Variants in SGCE observed in about 807,000 individuals in gnomAD.
SGCE encodes epsilon-sarcoglycan.
A neutral mutation model predicts 57.8 loss-of-function variants in SGCE; 26 were observed. That is an observed-to-expected ratio of 0.45 (90% CI 0.33 to 0.62). The LOEUF (loss-of-function observed/expected upper bound fraction) is 0.62. Among genes scored for constraint, SGCE ranks in the 20% least tolerant of loss-of-function variants. SGCE has a pLI of 0.02. For missense variants in SGCE, 468 were observed against 548.6 expected (o/e 0.85, Z 1.47); for synonymous variants, 183 against 189.5 (o/e 0.97, Z 0.28).
At chr7:94,633,409 A>G (rs1330564761) in intron 1 of SGCE, among the ~76,000 whole-genome samples, 1 of 152,272 alleles carries the variant, frequency 6.6e-6, no homozygotes, top group South Asian at 2.1e-4. Flanking sequence ...AGAGAGAGCC[A>G]AAGGGTTATG....
chr7:94,586,061 G>GAAAAAAAAAAAAAAAAAAAAAA (rs780812386), intron 10 of SGCE, among the ~76,000 whole-genome samples: 2 of 28,908 alleles, frequency 6.9e-5, no homozygotes, highest in Non-Finnish European at 5.9e-5. Flanking sequence ...GGAACTAAAT[G>GAAAAAAAAAAAAAAAAAAAAAA]AAAAAAAAAA....
intron 4 of SGCE, among the ~76,000 whole-genome samples, chr7:94,622,942 A>G (rs911434332): frequency 6.6e-6 from 1 of 152,120 alleles, no homozygotes; most frequent in Admixed American, 6.5e-5. Flanking sequence ...TAATAAAACT[A>G]GTTAGTAATT....
intron 1 of SGCE, among the ~76,000 whole-genome samples, chr7:94,654,845 C>A (rs1356026004): frequency 1.3e-5 from 2 of 152,172 alleles, no homozygotes; most frequent in Non-Finnish European, 2.9e-5. Context: ...GTTTCAGAAA[C>A]CTAACTCAGC....
At chr7:94,595,540 C>T (rs541300825) in intron 9 of SGCE, among the ~76,000 whole-genome samples, 1 of 152,190 alleles carries the variant, frequency 6.6e-6, no homozygotes, top group Non-Finnish European at 1.5e-5. Flanking sequence ...AAGTACAAGA[C>T]AGCATTATCC....
At chr7:94,597,304 C>G (rs1174868723) in intron 9 of SGCE, 12 of 152,138 alleles carry the variant, frequency 7.9e-5, no homozygotes, top group Admixed American at 7.9e-4. Context: ...CTGTATGACC[C>G]TAAGTGATGT....
chr7:94,604,413 T>A (rs1027741660), intron 5 of SGCE, among the ~76,000 whole-genome samples: 7 of 148,474 alleles, frequency 4.7e-5, no homozygotes, highest in African/African-American at 1.5e-4. Flanking sequence ...AGAATAGCCA[T>A]ACACACACAC....
chr7:94,639,171 G>A (rs764909106), intron 1 of SGCE, among the ~76,000 whole-genome samples: 12 of 152,034 alleles, frequency 7.9e-5, no homozygotes, highest in African/African-American at 1.2e-4. Flanking sequence ...AAGAACACAC[G>A]GGATCTAAAA....
At chr7:94,588,842 G>C in intron 9 of SGCE, 110 bp from the exon 10 acceptor site, 1 of 1,194,044 alleles carries the variant, frequency 8.4e-7, no homozygotes, top group South Asian at 1.2e-5. Flanking sequence ...CCCCAGTCAT[G>C]TAATCCAGCA....
At chr7:94,629,085 A>T (rs1257717829) in intron 2 of SGCE, 2 of 152,220 alleles carry the variant, frequency 1.3e-5, no homozygotes, top group Non-Finnish European at 2.9e-5. Flanking sequence ...TATAATTTTC[A>T]GAAAATTCAC....
chr7:94,618,436 C>A (rs1458198678), intron 5 of SGCE: 1 of 249,734 alleles, frequency 4.0e-6, no homozygotes, highest in African/African-American at 2.3e-5. Flanking sequence ...CAGCTAATAA[C>A]TGGGGCGTCA....
intron 1 of SGCE, among the ~76,000 whole-genome samples, chr7:94,633,433 G>T (rs184068977): frequency 4.6e-5 from 7 of 152,166 alleles, no homozygotes; most frequent in Non-Finnish European, 7.4e-5. Flanking sequence ...GCAAGTAGCT[G>T]GGATCATTAT....
intron 3 of SGCE, chr7:94,625,107 A>G (rs181167128): frequency 1.8e-4 from 27 of 152,146 alleles, no homozygotes; most frequent in Admixed American, 5.2e-4. Context: ...CTACGTGTGC[A>G]TACTTTATTT....
intron 4 of SGCE, chr7:94,619,941 A>G (rs1352912515): frequency 6.6e-6 from 1 of 152,200 alleles, no homozygotes; most frequent in African/African-American, 2.4e-5. Context: ...GTAGGAGCCT[A>G]TAAAATATTA....
chr7:94,639,389 C>A (rs992945947), intron 1 of SGCE: 2 of 1,535,470 alleles, frequency 1.3e-6, no homozygotes, highest in African/African-American at 2.7e-5. Flanking sequence ...AAATTGTTGG[C>A]CTGTCTGGTC....
chr7:94,625,109 A>G (rs1027516669), intron 3 of SGCE: 2 of 152,118 alleles, frequency 1.3e-5, no homozygotes, highest in African/African-American at 4.8e-5. Context: ...ACGTGTGCAT[A>G]CTTTATTTTT....
At chr7:94,650,546 C>T (rs916565541) in intron 1 of SGCE, among the ~76,000 whole-genome samples, 3 of 152,100 alleles carry the variant, frequency 2.0e-5, no homozygotes, top group Middle Eastern at 3.2e-3. Flanking sequence ...CAGCTATTTT[C>T]AAGTTGTAAG....
rs1290880205 is a variant in SGCE at position 94,586,418 on chromosome 7, T to C, written c.1298-903A>G. On this transcript the variant is annotated intron_variant, in intron 10 of 10. Transcript: ENST00000648936. The stretch of plus-strand genomic sequence containing the variant: ...TGAGAAATAAACTTTTTCATTTAAA[T>C]GAACAGAATGGAAATAAGGAATGTA... 3 of 152,200 alleles carry C rather than the reference T, an allele frequency of 2.0e-5. No homozygotes were observed. The East Asian group carries it at 5.8e-4, about 29-fold the overall frequency. The allele number at this position is 152,200 out of a possible 1,614,324, so 9.4% of individuals were successfully genotyped here. A position where few individuals can be genotyped will look rare whatever the true frequency, so the allele number is the denominator to read the frequency against.
At chr7:94,593,495 TATA>T (rs749132761) in intron 9 of SGCE, among the ~76,000 whole-genome samples, 1 of 151,988 alleles carries the variant, frequency 6.6e-6, no homozygotes, top group Non-Finnish European at 1.5e-5. Flanking sequence ...ACAAATTTAA[TATA>T]ATAATAAATT....
intron 3 of SGCE, chr7:94,627,465 A>G (rs1803904405): frequency 6.6e-6 from 1 of 152,040 alleles, no homozygotes; most frequent in Non-Finnish European, 1.5e-5. Flanking sequence ...AGAGCCCTCA[A>G]AGATCTGCCC....
Sources: gnomAD v4.1 joint callset for allele counts (sites outside exome capture counted in the v4.1 genomes callset) on GRCh38, gnomAD v4.1.1 for gene constraint, MANE v1.5 for transcripts, NCBI Gene and HGNC (gene_info 2026-07-23, HGNC 2026-07-21) for gene names.